Variants in OPA1 observed in about 807,000 individuals in gnomAD.
OPA1 encodes dynamin-like GTPase OPA1, mitochondrial.
In OPA1, 59 loss-of-function variants were observed where a neutral mutation model predicts 152.9. That is an observed-to-expected ratio of 0.39 (90% CI 0.31 to 0.48). The LOEUF (loss-of-function observed/expected upper bound fraction) is 0.48, where lower values mean the gene tolerates loss of function less well. Ranked by LOEUF, OPA1 falls within the 20% of genes least tolerant of loss-of-function variation. The pLI, the probability that OPA1 is intolerant of heterozygous loss-of-function variation, is 0.96. For synonymous variants in OPA1, 400 were observed against 389.9 expected, an observed-to-expected ratio of 1.03 and a Z score of -0.31; for missense variants, 1,008 against 1,216.8, an observed-to-expected ratio of 0.83 and a Z score of 2.55.
chr3:193,647,050 AT>A lies in OPA1; in HGVS notation c.1755-6del, dbSNP rs748933560. ...ATTTTAATATACTTTAGCTCTTGTT[AT>A]TTTTTTTTAATAGGACAAGCATGCT... On this transcript the variant is annotated splice_polypyrimidine_tract_variant and intron_variant, in intron 18 of 30. Transcript: ENST00000361510. 4.4e-4 allele frequency: 668 copies of A among 1,510,472 alleles called. No individual in the cohort carries two copies. The highest frequency in any genetic ancestry group is 5.1e-4 in the Non-Finnish European group (563 of 1,095,392). The allele number at this position is 1,510,472 out of a possible 1,614,324, so 93.6% of individuals were successfully genotyped here. A position where few individuals can be genotyped will look rare whatever the true frequency, so the allele number is the denominator to read the frequency against.
chr3:193,620,169 G>A (rs923614549), intron 6 of OPA1, among the ~76,000 whole-genome samples: 2 of 152,212 alleles, frequency 1.3e-5, no homozygotes, highest in Non-Finnish European at 2.9e-5. Flanking sequence ...GGAGAGAAGA[G>A]CTAATCTAAT....
At chr3:193,602,480 A>C (rs1726613283) in intron 1 of OPA1, among the ~76,000 whole-genome samples, 1 of 152,230 alleles carries the variant, frequency 6.6e-6, no homozygotes, top group Non-Finnish European at 1.5e-5. Context: ...AAAGCCTTGC[A>C]GTATTTAGTC....
Position 193,593,339 on chromosome 3 carries a change from T to A in OPA1, c.-39T>A. 6.5e-7 allele frequency: 1 copy of A among 1,538,412 alleles called. No individual in the cohort carries two copies. Among genetic ancestry groups the A allele is most frequent in the Admixed American group, 2.0e-5 (1 of 49,540 alleles). Reference sequence around the variant, plus strand: ...TGGGGCTCACACGGGGGCTCCCGCGTGGCCGTCTCGGCGCCTGCGTGACCT... The same window carrying A: ...TGGGGCTCACACGGGGGCTCCCGCGAGGCCGTCTCGGCGCCTGCGTGACCT... On this transcript the variant is annotated 5_prime_UTR_variant, in exon 1 of 31. Coordinates refer to ENST00000361510, the MANE Select transcript of OPA1 (RefSeq NM_130837.3).
rs35801538 is a variant in OPA1 at position 193,615,742 on chromosome 3, G to T, written c.420G>T (p.Val140=). The part of the protein sequence containing the change: ...SEYKWIVPDI[V]WEIDEYIDFE... ...ATAAATGGATTGTGCCTGACATTGT[G>T]TGGGAAATTGATGAGTATATCGATT... The change falls in exon 3 of 31, where the codon GTG becomes GTT. Residue 140 remains valine, a synonymous_variant. Transcript: ENST00000361510. 14,377 of 1,610,888 alleles carry T rather than the reference G, an allele frequency of 8.9e-3. 95 individuals carry two copies. Among genetic ancestry groups the T allele is most frequent in the Middle Eastern group, 0.017 (100 of 6,044 alleles).
intron 29 of OPA1, among the ~76,000 whole-genome samples, chr3:193,679,231 C>T (rs918737174): frequency 3.3e-5 from 5 of 151,044 alleles, no homozygotes; most frequent in Non-Finnish European, 7.4e-5. Context: ...ACATAGAGCC[C>T]GCTTTTGTTT....
In OPA1 at chr3:193,625,972, C is replaced by G. The variant is rs6791301; in HGVS notation, c.679-120C>G. 333,263 of 781,086 alleles carry G rather than the reference C, an allele frequency of 0.43. 72,589 individuals carry two copies. Among genetic ancestry groups the G allele is most frequent in the Non-Finnish European group, 0.43 (189,324 of 435,792 alleles). 48.4% of individuals were successfully genotyped at this position (781,086 alleles called of 1,614,324 possible). A position where few individuals can be genotyped will look rare whatever the true frequency, so the allele number is the denominator to read the frequency against. ...GGGTATGACGGCTTTAAATGAGTTT[C>G]CATTTCTGTTTTAAGTTAACCATCC... On this transcript the variant is annotated intron_variant, in intron 6 of 30. Transcript: ENST00000361510.
chr3:193,664,786 T>G (rs1716135988), intron 26 of OPA1, 94 bp from the exon 27 acceptor site: 1 of 771,096 alleles, frequency 1.3e-6, no homozygotes, highest in African/African-American at 1.7e-5. Context: ...TAATTAACTT[T>G]TTTGGTAAAT....
chr3:193,615,931 C>A (rs1405323907), intron 3 of OPA1, among the ~76,000 whole-genome samples, 161 bp downstream of exon 3: 2 of 152,014 alleles, frequency 1.3e-5, no homozygotes, highest in East Asian at 3.8e-4. Context: ...AAAAGAAATA[C>A]CCAGTAGCCC....
intron 19 of OPA1, 74 bp from the exon 20 acceptor site, chr3:193,647,996 T>C: frequency 2.0e-6 from 2 of 1,016,846 alleles, no homozygotes; most frequent in Non-Finnish European, 3.1e-6. Flanking sequence ...AGAGGATATG[T>C]ATTTTAACCA....
chr3:193,622,072 C>T (rs917774269), intron 6 of OPA1, among the ~76,000 whole-genome samples: 5 of 151,822 alleles, frequency 3.3e-5, no homozygotes, highest in African/African-American at 4.8e-5. Flanking sequence ...AGAAATATGG[C>T]GATTCAGAAG....
intron 1 of OPA1, among the ~76,000 whole-genome samples, chr3:193,605,478 G>A (rs1414391424): frequency 1.1e-4 from 16 of 152,118 alleles, no homozygotes; most frequent in Non-Finnish European, 1.8e-4. Flanking sequence ...ATTAGGCAAA[G>A]GTTTAGAATG....
At chr3:193,692,772 C>T (rs1721854428) in intron 30 of OPA1, among the ~76,000 whole-genome samples, 1 of 152,176 alleles carries the variant, frequency 6.6e-6, no homozygotes, top group African/African-American at 2.4e-5. Context: ...AAGTCACTTG[C>T]TTGAGAGGAG....
Position 193,696,182 on chromosome 3 carries a change from G to A in OPA1, c.*1582G>A, listed in dbSNP as rs922182929. On this transcript the variant is annotated 3_prime_UTR_variant, in exon 31 of 31. Transcript: ENST00000361510. The stretch of plus-strand genomic sequence containing the variant: ...ATGCATGTTAATGAATATTTTTGCA[G>A]TTGTAAAGCATAACAATTACAACTA... The A allele has an allele frequency of 2.0e-5, 3 of 152,192 alleles. No individual in the cohort carries two copies. Among genetic ancestry groups the A allele is most frequent in the African/African-American group, 7.2e-5 (3 of 41,452 alleles). The allele number at this position is 152,192 out of a possible 1,614,324, so 9.4% of individuals were successfully genotyped here.
At chr3:193,674,050 G>A (rs1718485834) in intron 29 of OPA1, among the ~76,000 whole-genome samples, 5 of 152,228 alleles carry the variant, frequency 3.3e-5, no homozygotes, top group Non-Finnish European at 4.4e-5. Flanking sequence ...GCAGCAGCGT[G>A]CTCGGCCTCT....
chr3:193,689,437 A>G (rs571648744), intron 29 of OPA1, among the ~76,000 whole-genome samples: 1 of 152,298 alleles, frequency 6.6e-6, no homozygotes, highest in African/African-American at 2.4e-5. Flanking sequence ...TTTAAGGGAA[A>G]TTCGGCATTT....
At chr3:193,648,191 A>G (rs1377633340) in intron 20 of OPA1, 57 bp downstream of exon 20, 2 of 1,332,306 alleles carry the variant, frequency 1.5e-6, no homozygotes, top group South Asian at 1.2e-5. Flanking sequence ...TTGTTTGCTA[A>G]CTAAATTTAT....
At chr3:193,611,707 G>C (rs1333236662) in intron 1 of OPA1, among the ~76,000 whole-genome samples, 1 of 151,972 alleles carries the variant, frequency 6.6e-6, no homozygotes, top group African/African-American at 2.4e-5. Context: ...GTTCAGGATG[G>C]AGTCCATTTA....
At chr3:193,652,382 AAAAC>A (rs1712710888) in intron 21 of OPA1, among the ~76,000 whole-genome samples, 1 of 151,714 alleles carries the variant, frequency 6.6e-6, no homozygotes, top group Non-Finnish European at 1.5e-5. Context: ...ACCCTGTCTG[AAAAC>A]AAACAAACAA....
At chr3:193,688,602 C>T (rs1184370299) in intron 29 of OPA1, among the ~76,000 whole-genome samples, 1 of 150,838 alleles carries the variant, frequency 6.6e-6, no homozygotes, top group African/African-American at 2.4e-5. Context: ...TATTTTAAGT[C>T]AAAGGTAATA....
Sources: allele counts gnomAD v4.1 joint callset (sites outside exome capture counted in the v4.1 genomes callset), GRCh38; gene constraint gnomAD v4.1.1; transcripts MANE v1.5; gene names NCBI Gene and HGNC (gene_info 2026-07-23, HGNC 2026-07-21).